The following IARS1 variants were observed in gnomAD, a reference collection of about 807,000 sequenced individuals.
IARS1 encodes the protein isoleucyl-tRNA synthetase 1.
In IARS1, 124 loss-of-function variants were observed where a neutral mutation model predicts 168.2. The ratio of observed to expected loss-of-function variants is 0.74; its 90% CI spans 0.64 to 0.86. The LOEUF is 0.86. IARS1 is among the 40% of genes least tolerant of loss of function. IARS1 has a pLI of 0.00. For synonymous variants in IARS1, 532 were observed against 529.4 expected (o/e 1.00, Z -0.07); for missense variants, 1,452 against 1,515.8 (o/e 0.96, Z 0.70).
intron 21 of IARS1, 38 bp downstream of exon 21, chr9:92,253,324 T>C (rs1317583430): frequency 3.1e-6 from 4 of 1,291,094 alleles, no homozygotes; most frequent in Non-Finnish European, 4.5e-6. Flanking sequence ...TCAAACTTCA[T>C]ACACTTTTTG....
chr9:92,231,261 T>C (rs1440094879), intron 30 of IARS1, among the ~76,000 whole-genome samples: 1 of 152,236 alleles, frequency 6.6e-6, no homozygotes, highest in Admixed American at 6.5e-5. Flanking sequence ...AATATACTTT[T>C]GATCCAGCTA....
chr9:92,280,279 C>T (rs922947181), intron 7 of IARS1, among the ~76,000 whole-genome samples: 2 of 152,080 alleles, frequency 1.3e-5, no homozygotes, highest in African/African-American at 2.4e-5. Flanking sequence ...TTTCTTTTAC[C>T]GCCACAAAAC....
intron 14 of IARS1, among the ~76,000 whole-genome samples, chr9:92,265,777 C>A (rs1222671056): frequency 6.6e-6 from 1 of 152,096 alleles, no homozygotes; most frequent in Admixed American, 6.6e-5. Flanking sequence ...CTCACCTAAG[C>A]CTCCCAAGTA....
chr9:92,252,994 A>T (rs1830233739), intron 21 of IARS1, among the ~76,000 whole-genome samples: 1 of 152,006 alleles, frequency 6.6e-6, no homozygotes, highest in Non-Finnish European at 1.5e-5. Flanking sequence ...CTTGTGGTAG[A>T]AGGAAGTACC....
At chr9:92,226,952 G>GCCTTCC (rs2133444733) in intron 31 of IARS1, among the ~76,000 whole-genome samples, 1 of 137,028 alleles carries the variant, frequency 7.3e-6, no homozygotes, top group African/African-American at 2.8e-5. Flanking sequence ...GGACCCTGCG[G>GCCTTCC]CCTTCCGCAG....
chr9:92,223,255 A>G (rs1839918775), intron 32 of IARS1, 91 bp downstream of exon 32: 2 of 1,241,270 alleles, frequency 1.6e-6, no homozygotes. Flanking sequence ...CAATACTTTG[A>G]AGCCGACTAG....
At chr9:92,216,702 C>G (rs1838761441) in intron 33 of IARS1, among the ~76,000 whole-genome samples, 2 of 124,244 alleles carry the variant, frequency 1.6e-5, no homozygotes, top group African/African-American at 6.0e-5. Flanking sequence ...GTAAAGGGAT[C>G]AATTCAACAA....
At chr9:92,219,656 C>A in intron 33 of IARS1, among the ~76,000 whole-genome samples, 1 of 151,108 alleles carries the variant, frequency 6.6e-6, no homozygotes, top group Non-Finnish European at 1.5e-5. Context: ...AGCCAAAAAA[C>A]ACATGAAAAA....
At chr9:92,231,179 A>G (rs1294155956) in intron 30 of IARS1, among the ~76,000 whole-genome samples, 5 of 152,296 alleles carry the variant, frequency 3.3e-5, no homozygotes, top group Non-Finnish European at 4.4e-5. Flanking sequence ...AAATCTTAAG[A>G]CTTTTCCAAA....
intron 23 of IARS1, 108 bp downstream of exon 23, chr9:92,250,605 G>C (rs927136461): frequency 7.8e-7 from 1 of 1,278,696 alleles, no homozygotes; most frequent in African/African-American, 1.5e-5. Flanking sequence ...GGGGCGGGAG[G>C]CAAGGCACAG....
chr9:92,272,847 T>A (rs1434707933), intron 10 of IARS1, among the ~76,000 whole-genome samples: 2 of 116,714 alleles, frequency 1.7e-5, no homozygotes, highest in Non-Finnish European at 3.4e-5. Flanking sequence ...GGAGACTCTG[T>A]CTCAAACAAA....
Position 92,250,816 on chromosome 9 carries a change from GA to G in IARS1, c.2325del (p.Leu776SerfsTer4). On this transcript the variant is annotated frameshift_variant, in exon 23 of 34. Transcript: ENST00000443024. LOFTEE classifies it high-confidence loss of function. ...LCRLMAPYTP[F>X]LTELMYQNLK... ...AGATTCTGGTACATCAATTCAGTGA[GA>G]AAAGGTGTGTAGGGAGCCTGTATGA... 1 of 1,610,704 alleles carries G rather than the reference GA, an allele frequency of 6.2e-7. No homozygotes were observed.
Position 92,286,606 on chromosome 9 carries a change from TGCTA to T in IARS1, c.405_408del (p.Ser136AspfsTer40). On this transcript the variant is annotated frameshift_variant, in exon 5 of 34. Transcript: ENST00000443024. LOFTEE classifies it high-confidence loss of function. ...TCAAAGTCAATCCATCGGCCAAGTC[TGCTA>T]ACAGTAGACTTTAAAATATTAATAT... 6.4e-7 allele frequency: 1 copy of T among 1,569,308 alleles called. No homozygotes were observed. Among genetic ancestry groups the T allele is most frequent in the Non-Finnish European group, 8.8e-7 (1 of 1,139,382 alleles).
Position 92,222,622 on chromosome 9 carries a change from G to A in IARS1, c.3604C>T (p.Gln1202Ter). The A allele has an allele frequency of 6.2e-7, 1 of 1,614,048 alleles. No homozygotes were observed. The highest frequency in any genetic ancestry group is 8.5e-7 in the Non-Finnish European group (1 of 1,179,982). ...AGACCTTGGTGGGTGAGTCCATTCT[G>A]CCCAAGTGGGTTTTCAAGCAGGAGA... The part of the protein sequence containing the change: ...GTLLLENPLG[Q>*]NGLTHQGLLY... The change falls in exon 33 of 34, where the codon CAG (glutamine) becomes TAG (stop). Residue 1202 changes from glutamine (Q) to a stop codon, truncating the protein, a stop_gained. Coordinates refer to ENST00000443024, the MANE Select transcript of IARS1 (RefSeq NM_002161.6). LOFTEE classifies it high-confidence loss of function.
chr9:92,260,528 A>G (rs919660340), intron 17 of IARS1, among the ~76,000 whole-genome samples: 4 of 151,980 alleles, frequency 2.6e-5, no homozygotes, highest in African/African-American at 7.2e-5. Context: ...GGGGGCGCAC[A>G]CTTGTAATCC....
At position 92,258,909 on chromosome 9, in the gene IARS1, A is replaced by G; in HGVS notation, c.1961T>C (p.Leu654Pro). 6 of 1,614,020 alleles carry G rather than the reference A, an allele frequency of 3.7e-6. No individual in the cohort carries two copies. In the South Asian group the frequency reaches 6.6e-5, roughly 18 times the overall value. Residue 654 changes from leucine (L) to proline (P), a missense_variant, in exon 19 of 34, where the codon CTC (leucine) becomes CCC (proline). By Grantham distance (98) the Leu-to-Pro change is moderately conservative. Coordinates refer to ENST00000443024, the MANE Select transcript of IARS1 (RefSeq NM_002161.6). ...GAAGCGATAGGCATTGTACCATGGG[A>G]GCAGTACATCCTTAAGGACGTCCCG... ...GVRDVLKDVL[L>P]PWYNAYRFLI...
At chr9:92,256,555 A>C in intron 20 of IARS1, 125 bp downstream of exon 20, 1 of 1,000,994 alleles carries the variant, frequency 1.0e-6, no homozygotes, top group Non-Finnish European at 1.4e-6. Context: ...AAACTATATG[A>C]GAGGTAAAAG....
chr9:92,290,569 G>T (rs1159649195), intron 1 of IARS1, among the ~76,000 whole-genome samples: 1 of 151,846 alleles, frequency 6.6e-6, no homozygotes, highest in Non-Finnish European at 1.5e-5. Flanking sequence ...GTCAATTTTT[G>T]GTTTTGCTGC....
At position 92,289,435 on chromosome 9, in the gene IARS1, G is replaced by A. The variant is rs568702205; in HGVS notation, c.-7-9C>T. 9 of 1,146,568 alleles carry A rather than the reference G, an allele frequency of 7.8e-6. No individual in the cohort carries two copies. The Admixed American group carries it at 8.8e-5, about 11-fold the overall frequency. 71.0% of individuals were successfully genotyped at this position (1,146,568 alleles called of 1,614,324 possible). On this transcript the variant is annotated splice_polypyrimidine_tract_variant and intron_variant, in intron 1 of 33. Coordinates refer to ENST00000443024, the MANE Select transcript of IARS1 (RefSeq NM_002161.6). ...GTTGAAGCATTTTGTTGCTGCAAAAGAAATCAAATTTATTACTGTCAAAAG... is the reference window on the plus strand; with the variant it reads ...GTTGAAGCATTTTGTTGCTGCAAAAAAAATCAAATTTATTACTGTCAAAAG...
Sources: allele counts gnomAD v4.1 joint callset (sites outside exome capture counted in the v4.1 genomes callset), GRCh38; gene constraint gnomAD v4.1.1; transcripts MANE v1.5; gene names NCBI Gene and HGNC (gene_info 2026-07-23, HGNC 2026-07-21).